ESRRB: variants seen among roughly 807,000 people sequenced by gnomAD.
ESRRB encodes steroid hormone receptor ERR2.
A neutral mutation model predicts 46.0 loss-of-function variants in ESRRB; 16 were observed. That is an observed-to-expected ratio of 0.35 (90% CI 0.24 to 0.53). The LOEUF is 0.53. Ranked by LOEUF, ESRRB falls within the 20% of genes least tolerant of loss-of-function variation. The pLI, the probability that ESRRB is intolerant of heterozygous loss-of-function variation, is 0.93. For synonymous variants in ESRRB, 246 were observed against 259.6 expected (o/e 0.95, Z 0.50); for missense variants, 488 against 607.4 (o/e 0.80, Z 2.07).
chr14:76,406,779 C>A (rs1886204746), intron 1 of ESRRB, among the ~76,000 whole-genome samples: 1 of 152,124 alleles, frequency 6.6e-6, no homozygotes, highest in African/African-American at 2.4e-5. Context: ...AAACCAGTGC[C>A]CCATCCTTGC....
At chr14:76,357,927 A>G (rs76048931) in intron 1 of ESRRB, among the ~76,000 whole-genome samples, 2 of 152,350 alleles carry the variant, frequency 1.3e-5, no homozygotes, top group East Asian at 1.9e-4. Flanking sequence ...GGAATGAGCA[A>G]CACTGAAATA....
At chr14:76,415,651 C>A (rs945502913) in intron 1 of ESRRB, among the ~76,000 whole-genome samples, 1 of 152,116 alleles carries the variant, frequency 6.6e-6, no homozygotes, top group Non-Finnish European at 1.5e-5. Flanking sequence ...AAGAGTGAGA[C>A]TCTATCTCAA....
intron 1 of ESRRB, among the ~76,000 whole-genome samples, chr14:76,436,869 G>A (rs1887696183): frequency 6.6e-6 from 1 of 152,156 alleles, no homozygotes; most frequent in Non-Finnish European, 1.5e-5. Flanking sequence ...AGGAGTCTCT[G>A]TCTTCACACA....
chr14:76,344,702 A>C (rs1282006828), intron 1 of ESRRB, among the ~76,000 whole-genome samples: 2 of 152,170 alleles, frequency 1.3e-5, no homozygotes, highest in Non-Finnish European at 2.9e-5. Context: ...AATTCAAAAA[A>C]TTAGCCAGGC....
At chr14:76,477,565 C>G (rs1889631048) in intron 3 of ESRRB, among the ~76,000 whole-genome samples, 1 of 152,152 alleles carries the variant, frequency 6.6e-6, no homozygotes, top group Non-Finnish European at 1.5e-5. Flanking sequence ...GCCAAATAAC[C>G]TGAAATAACC....
At position 76,498,817 on chromosome 14, in the gene ESRRB, A is replaced by C. The variant is rs755443119; in HGVS notation, c.*359A>C. ...CGAGCCACCAAGAGGCAGCATGTGCATTTCCTAACTCCCTTGCCCCCTCCC... is the reference window on the plus strand; with the variant it reads ...CGAGCCACCAAGAGGCAGCATGTGCCTTTCCTAACTCCCTTGCCCCCTCCC... On this transcript the variant is annotated 3_prime_UTR_variant, in exon 7 of 7. Transcript: ENST00000644823. The C allele has an allele frequency of 5.2e-6, 3 of 572,416 alleles. No homozygotes were observed. Among genetic ancestry groups the C allele is most frequent in the Middle Eastern group, 3.0e-4 (1 of 3,312 alleles). The allele number at this position is 572,416 out of a possible 1,614,324, so 35.5% of individuals were successfully genotyped here.
chr14:76,421,544 T>C (rs562615095), intron 1 of ESRRB, among the ~76,000 whole-genome samples: 1 of 152,210 alleles, frequency 6.6e-6, no homozygotes, highest in Non-Finnish European at 1.5e-5. Context: ...TGCACATCTG[T>C]TTACTCCATG....
At position 76,492,187 on chromosome 14, in the gene ESRRB, G is replaced by A. The variant is rs374991231; in HGVS notation, c.1120+471G>A. Among the ~76,000 whole-genome samples the A allele has an allele frequency of 6.0e-3, 919 of 152,306 alleles. 9 individuals are homozygous for A. Among genetic ancestry groups the A allele is most frequent in the South Asian group, 0.042 (201 of 4,826 alleles). On this transcript the variant is annotated intron_variant, in intron 6 of 6. Transcript: ENST00000644823. The stretch of plus-strand genomic sequence containing the variant: ...ATTTATTTATTTGTTTATTATAGAC[G>A]GGGTCTTGTTCTGTCGCCCAGGTAG...
intron 5 of ESRRB, among the ~76,000 whole-genome samples, chr14:76,485,782 C>A (rs144044908): frequency 1.5e-4 from 23 of 152,152 alleles, no homozygotes; most frequent in Non-Finnish European, 2.9e-4. Flanking sequence ...GGGGACTGGC[C>A]ACTGCAGGCT....
intron 5 of ESRRB, among the ~76,000 whole-genome samples, chr14:76,483,761 AT>A (rs1330902150): frequency 6.6e-6 from 1 of 152,084 alleles, no homozygotes; most frequent in Non-Finnish European, 1.5e-5. Context: ...CTGTCTGTAG[AT>A]CCGTTTTTGG....
Position 76,499,610 on chromosome 14 carries a change from C to T in ESRRB, c.*1152C>T, listed in dbSNP as rs1890581967. On this transcript the variant is annotated 3_prime_UTR_variant, in exon 7 of 7. Coordinates refer to ENST00000644823, the MANE Select transcript of ESRRB (RefSeq NM_001379180.1). Reference sequence around the variant, plus strand: ...CCACAGGAGGGGTGCCCTCCTACCACACTTGGGCTACCAGAGGTTTGGTGT... The same window carrying T: ...CCACAGGAGGGGTGCCCTCCTACCATACTTGGGCTACCAGAGGTTTGGTGT... 7.1e-6 allele frequency: 4 copies of T among 562,710 alleles called. No homozygotes were observed. The highest frequency in any genetic ancestry group is 1.9e-5 in the African/African-American group (1 of 53,406). 34.9% of individuals were successfully genotyped at this position (562,710 alleles called of 1,614,324 possible). A position where few individuals can be genotyped will look rare whatever the true frequency, so the allele number is the denominator to read the frequency against.
intron 1 of ESRRB, among the ~76,000 whole-genome samples, chr14:76,377,510 TTAATAA>T (rs1474285411): frequency 6.8e-6 from 1 of 146,258 alleles, no homozygotes; most frequent in African/African-American, 2.8e-5. Context: ...CTCGGAAGGC[TTAATAA>T]TAATAATACA....
intron 3 of ESRRB, among the ~76,000 whole-genome samples, chr14:76,471,249 C>G (rs957618383): frequency 6.6e-6 from 1 of 152,198 alleles, no homozygotes; most frequent in Non-Finnish European, 1.5e-5. Flanking sequence ...TCCAAGGAAG[C>G]ATTGTTTTTT....
At chr14:76,334,058 G>T (rs1884096407) in intron 1 of ESRRB, among the ~76,000 whole-genome samples, 1 of 152,108 alleles carries the variant, frequency 6.6e-6, no homozygotes, top group South Asian at 2.1e-4. Flanking sequence ...AAACGTACAG[G>T]GCTGAAATAG....
chr14:76,434,583 C>T (rs1439010433), intron 1 of ESRRB, among the ~76,000 whole-genome samples: 2 of 151,684 alleles, frequency 1.3e-5, no homozygotes, highest in South Asian at 2.1e-4. Flanking sequence ...TCGCTTCAAA[C>T]CAAGAGGCAG....
intron 1 of ESRRB, among the ~76,000 whole-genome samples, chr14:76,331,628 A>C (rs943123920): frequency 1.3e-5 from 2 of 152,152 alleles, no homozygotes; most frequent in Non-Finnish European, 2.9e-5. Context: ...GAAGGACAAC[A>C]GAGAGCTGGG....
chr14:76,373,609 G>A (rs746146946), upstream of ESRRB, among the ~76,000 whole-genome samples: 1 of 152,194 alleles, frequency 6.6e-6, no homozygotes, highest in Admixed American at 6.5e-5. Flanking sequence ...CTGCCAAGTT[G>A]GATCATGCCA....
chr14:76,338,868 G>T (rs1465945457), intron 1 of ESRRB, among the ~76,000 whole-genome samples: 1 of 152,198 alleles, frequency 6.6e-6, no homozygotes, highest in Admixed American at 6.5e-5. Context: ...TCTTGAACCA[G>T]GGAGGTGGAG....
chr14:76,353,431 G>A (rs1884338093), intron 1 of ESRRB, among the ~76,000 whole-genome samples: 2 of 152,132 alleles, frequency 1.3e-5, no homozygotes, highest in South Asian at 4.1e-4. Flanking sequence ...CTAAGACTCG[G>A]GGATTACAGT....
Sources: gnomAD v4.1 joint callset for allele counts (sites outside exome capture counted in the v4.1 genomes callset) on GRCh38, gnomAD v4.1.1 for gene constraint, MANE v1.5 for transcripts, NCBI Gene and HGNC (gene_info 2026-07-23, HGNC 2026-07-21) for gene names.